The following ELFN2 variants were observed in gnomAD, a reference collection of about 807,000 sequenced individuals.
The protein encoded by ELFN2 is extracellular leucine rich repeat and fibronectin type III domain containing 2.
Under a neutral mutation model 45.5 loss-of-function variants are expected in ELFN2, and 17 were observed. The observed-to-expected ratio is 0.37, with a 90% CI of 0.26 to 0.56. The LOEUF (loss-of-function observed/expected upper bound fraction) is 0.56, where lower values mean the gene tolerates loss of function less well. Ranked by LOEUF, ELFN2 falls within the 20% of genes least tolerant of loss-of-function variation. The pLI, the probability that ELFN2 is intolerant of heterozygous loss-of-function variation, is 0.77. For missense variants in ELFN2, 922 were observed against 1,183.2 expected, an observed-to-expected ratio of 0.78 and a Z score of 3.24; for synonymous variants, 550 against 551.5, an observed-to-expected ratio of 1.00 and a Z score of 0.04.
chr22:37,350,742 C>T (rs530584886), intron 1 of ELFN2, among the ~76,000 whole-genome samples: 2 of 149,634 alleles, frequency 1.3e-5, no homozygotes, highest in Non-Finnish European at 3.0e-5. Context: ...CCCTGCTCCA[C>T]GCTGGCTGTG....
chr22:37,402,242 C>G (rs1188053811), intron 2 of ELFN2, among the ~76,000 whole-genome samples: 5 of 152,342 alleles, frequency 3.3e-5, no homozygotes, highest in Admixed American at 2.6e-4. Context: ...GTTAAATACC[C>G]TCCGGTTAAT....
intron 1 of ELFN2, among the ~76,000 whole-genome samples, chr22:37,425,541 G>A (rs1010031229): frequency 1.1e-4 from 17 of 151,860 alleles, no homozygotes; most frequent in Admixed American, 1.0e-3. Context: ...GCTGGGGGGA[G>A]CAACCTCCGA....
At chr22:37,341,665 A>G (rs1930563563) in intron 2 of ELFN2, among the ~76,000 whole-genome samples, 1 of 152,222 alleles carries the variant, frequency 6.6e-6, no homozygotes, top group African/African-American at 2.4e-5. Flanking sequence ...GAGAGGACTC[A>G]TTCTAGAGTC....
intron 2 of ELFN2, among the ~76,000 whole-genome samples, chr22:37,383,326 C>G (rs747166394): frequency 6.6e-6 from 1 of 152,228 alleles, no homozygotes; most frequent in Non-Finnish European, 1.5e-5. Flanking sequence ...TTCACACACA[C>G]GGCCAGGCAG....
In ELFN2 at chr22:37,373,408, C is replaced by T; in HGVS notation, c.2127G>A (p.Arg709=). 6.3e-7 allele frequency: 1 copy of T among 1,590,918 alleles called. No individual in the cohort carries two copies. The highest frequency in any genetic ancestry group is 8.5e-7 in the Non-Finnish European group (1 of 1,169,828). Residue 709 remains arginine, a synonymous_variant, in exon 3 of 3, where the codon CGG becomes CGA. Transcript: ENST00000402918. ...CGTAGTACAGGGCGGGAAAGCTGTGCCGGTGCTCGCTGCAGTGGTAGGCCG... is the reference window on the plus strand; with the variant it reads ...CGTAGTACAGGGCGGGAAAGCTGTGTCGGTGCTCGCTGCAGTGGTAGGCCG... ...VKPAYHCSEH[R]HSFPALYYEE...
intron 2 of ELFN2, among the ~76,000 whole-genome samples, chr22:37,395,206 CTCACAGCG>C (rs1489545960): frequency 1.3e-5 from 2 of 152,050 alleles, no homozygotes; most frequent in Non-Finnish European, 2.9e-5. Context: ...ACAAAGTGGC[CTCACAGCG>C]TCACAGCTGG....
At chr22:37,346,235 T>G (rs1212422863) in intron 1 of ELFN2, among the ~76,000 whole-genome samples, 3 of 152,240 alleles carry the variant, frequency 2.0e-5, no homozygotes. Context: ...AGCTCCGGCC[T>G]GTGCGCACAC....
At chr22:37,393,557 C>T (rs1210180374) in intron 2 of ELFN2, among the ~76,000 whole-genome samples, 2 of 152,222 alleles carry the variant, frequency 1.3e-5, no homozygotes, top group Non-Finnish European at 2.9e-5. Context: ...AATAACAGCA[C>T]CCAGCACTTC....
intron 1 of ELFN2, among the ~76,000 whole-genome samples, chr22:37,357,378 C>T (rs1166164316): frequency 6.6e-6 from 1 of 152,186 alleles, no homozygotes; most frequent in Non-Finnish European, 1.5e-5. Flanking sequence ...AAGGTGGATA[C>T]TGGAGAACAG....
Position 37,374,006 on chromosome 22 carries a change from C to T in ELFN2, c.1529G>A (p.Gly510Asp). The T allele has an allele frequency of 1.2e-6, 2 of 1,613,124 alleles. No individual in the cohort carries two copies. The highest frequency in any genetic ancestry group is 1.7e-6 in the Non-Finnish European group (2 of 1,179,996). ...CTCGGGCCGAGCCAGACCGTCCCCG[C>T]CGGCGCCTGTGCGCACCTCGATATA... ...GNYIEVRTGA[G>D]GDGLARPEDD... Residue 510 changes from glycine (G) to aspartate (D), a missense_variant, in exon 3 of 3, where the codon GGC (glycine) becomes GAC (aspartate). Around this residue, in one of 2 missense-constraint regions of ELFN2, gnomAD observed 564 missense variants for 642.8 expected, o/e 0.88. Transcript: ENST00000402918.
chr22:37,425,104 G>C (rs1047467100), intron 1 of ELFN2, among the ~76,000 whole-genome samples: 1 of 152,162 alleles, frequency 6.6e-6, no homozygotes, highest in Admixed American at 6.5e-5. Flanking sequence ...ATGGCCTCAC[G>C]CTCCCTGGCT....
intron 1 of ELFN2, among the ~76,000 whole-genome samples, chr22:37,348,111 G>A (rs1007551695): frequency 6.6e-6 from 1 of 152,208 alleles, no homozygotes; most frequent in African/African-American, 2.4e-5. Context: ...GGCCCAATTG[G>A]GATGCCCTCC....
chr22:37,391,181 G>A (rs7289438), intron 2 of ELFN2, among the ~76,000 whole-genome samples: 75,413 of 152,012 alleles, frequency 0.5, 21,228 homozygotes, highest in African/African-American at 0.78. Context: ...TTCCCTATCC[G>A]CCCAAGGCTG....
intron 1 of ELFN2, among the ~76,000 whole-genome samples, chr22:37,360,277 G>A (rs1407403230): frequency 6.6e-6 from 1 of 152,238 alleles, no homozygotes; most frequent in Non-Finnish European, 1.5e-5. Context: ...GGGGACATGA[G>A]CTCCTGGAGT....
At chr22:37,415,268 C>A (rs534654817) in intron 2 of ELFN2, among the ~76,000 whole-genome samples, 3 of 152,356 alleles carry the variant, frequency 2.0e-5, no homozygotes, top group African/African-American at 4.8e-5. Flanking sequence ...ATTCTCAGGG[C>A]ACCACCAGCC....
intron 2 of ELFN2, among the ~76,000 whole-genome samples, chr22:37,380,398 C>T (rs931076936): frequency 2.0e-5 from 3 of 152,172 alleles, no homozygotes; most frequent in African/African-American, 7.2e-5. Flanking sequence ...AAATCCCAGA[C>T]ATGACAGAGA....
At chr22:37,405,601 C>T (rs1027564666) in intron 2 of ELFN2, among the ~76,000 whole-genome samples, 21 of 151,970 alleles carry the variant, frequency 1.4e-4, no homozygotes, top group African/African-American at 4.6e-4. Flanking sequence ...TGCTGATGCC[C>T]GAATAAGAAA....
At chr22:37,382,494 C>T (rs1388719391) in intron 2 of ELFN2, among the ~76,000 whole-genome samples, 1 of 151,042 alleles carries the variant, frequency 6.6e-6, no homozygotes, top group Non-Finnish European at 1.5e-5. Flanking sequence ...CCGCCCGCCT[C>T]GGCCTCCCAA....
At chr22:37,386,799 A>G (rs1343264644) in intron 2 of ELFN2, among the ~76,000 whole-genome samples, 1 of 152,210 alleles carries the variant, frequency 6.6e-6, no homozygotes. Context: ...CCAGTCCACC[A>G]AGACCGGCCC....
Sources: gnomAD v4.1 joint callset for allele counts (sites outside exome capture counted in the v4.1 genomes callset) on GRCh38, gnomAD v4.1.1 for gene constraint, gnomAD v4.1.1 regional missense constraint, MANE v1.5 for transcripts, NCBI Gene and HGNC (gene_info 2026-07-23, HGNC 2026-07-21) for gene names.